FOXJ3: variants seen among roughly 807,000 people sequenced by gnomAD.
The protein encoded by FOXJ3 is forkhead box J3, also known as forkhead box protein J3.
Under a neutral mutation model 76.1 loss-of-function variants are expected in FOXJ3, and 22 were observed. That is an observed-to-expected ratio of 0.29 (90% CI 0.21 to 0.41). The LOEUF (loss-of-function observed/expected upper bound fraction) is 0.41, where lower values mean the gene tolerates loss of function less well. Ranked by LOEUF, FOXJ3 falls within the 10% of genes least tolerant of loss-of-function variation. FOXJ3 has a pLI of 1.00. For missense variants in FOXJ3, 613 were observed against 762.1 expected (o/e 0.80, Z 2.30); for synonymous variants, 269 against 261.2 (o/e 1.03, Z -0.29).
chr1:42,234,785 G>A (rs1156607682), intron 4 of FOXJ3, among the ~76,000 whole-genome samples: 2 of 152,142 alleles, frequency 1.3e-5, no homozygotes, highest in African/African-American at 2.4e-5. Flanking sequence ...GTACCTGGCC[G>A]TGTGAGGTGT....
chr1:42,186,164 A>G (rs1023458308), intron 11 of FOXJ3, among the ~76,000 whole-genome samples: 7 of 152,186 alleles, frequency 4.6e-5, no homozygotes. Flanking sequence ...TGTGATACAC[A>G]GGGATGTAAG....
chr1:42,321,916 C>T lies in FOXJ3; in HGVS notation c.-17-10806G>A, dbSNP rs934855659. Among the ~76,000 whole-genome samples, 5 of 152,122 alleles carry T rather than the reference C, an allele frequency of 3.3e-5. No individual in the cohort carries two copies. In the East Asian group the frequency reaches 5.8e-4, roughly 18 times the overall value. On this transcript the variant is annotated intron_variant, in intron 1 of 12. Coordinates refer to ENST00000361346, the MANE Select transcript of FOXJ3 (RefSeq NM_014947.5). ...GAGACTTTATCATCAAGGCATGATG[C>T]ATTGGAGGACAAATAATCCATTTCA...
rs1394121540 is a variant in FOXJ3 at position 42,285,151 on chromosome 1, T to C, written c.45-6479A>G. On this transcript the variant is annotated intron_variant, in intron 2 of 12. Transcript: ENST00000361346. Reference sequence around the variant, plus strand: ...TAAGTTCAGGGGTACATTTGCAGGATGTGCAGGTTTGTTACATAGGTAAAC... The same window carrying C: ...TAAGTTCAGGGGTACATTTGCAGGACGTGCAGGTTTGTTACATAGGTAAAC... 2.0e-5 allele frequency among the ~76,000 whole-genome samples: 3 copies of C among 152,320 alleles called. No individual in the cohort carries two copies. The East Asian group carries it at 5.8e-4, about 29-fold the overall frequency.
chr1:42,310,594 T>A (rs1654746777), intron 2 of FOXJ3, among the ~76,000 whole-genome samples: 1 of 151,664 alleles, frequency 6.6e-6, no homozygotes, highest in African/African-American at 2.4e-5. Context: ...ATTACAGGTG[T>A]GAGCCACCAC....
chr1:42,185,390 C>T (rs906417651), intron 11 of FOXJ3, among the ~76,000 whole-genome samples: 30 of 150,746 alleles, frequency 2.0e-4, no homozygotes, highest in African/African-American at 6.9e-4. Flanking sequence ...CCTGAGTAGC[C>T]GGGACTACAG....
At chr1:42,272,245 C>A (rs1651916389) in intron 3 of FOXJ3, among the ~76,000 whole-genome samples, 1 of 152,170 alleles carries the variant, frequency 6.6e-6, no homozygotes, top group South Asian at 2.1e-4. Context: ...AAGTGACCTC[C>A]CATTTTCCCA....
At chr1:42,230,927 C>G (rs1648038567) in intron 4 of FOXJ3, among the ~76,000 whole-genome samples, 1 of 152,026 alleles carries the variant, frequency 6.6e-6, no homozygotes. Context: ...TCACAACAGC[C>G]AAAAGGTAAA....
chr1:42,321,590 C>G (rs1173858291), intron 1 of FOXJ3, among the ~76,000 whole-genome samples: 1 of 152,078 alleles, frequency 6.6e-6, no homozygotes. Flanking sequence ...TATTAAGCAC[C>G]CAGTATTACA....
intron 2 of FOXJ3, among the ~76,000 whole-genome samples, chr1:42,306,302 T>A (rs1050617577): frequency 7.9e-6 from 1 of 127,196 alleles, no homozygotes; most frequent in African/African-American, 3.5e-5. Context: ...TTTTTTCTTT[T>A]TTTTTTTTTT....
At chr1:42,196,217 G>A (rs1012680049) in intron 7 of FOXJ3, among the ~76,000 whole-genome samples, 1 of 152,116 alleles carries the variant, frequency 6.6e-6, no homozygotes, top group Non-Finnish European at 1.5e-5. Context: ...TGGGATGTAG[G>A]GAGCTGACAC....
At chr1:42,303,326 A>G (rs940880227) in intron 2 of FOXJ3, among the ~76,000 whole-genome samples, 3 of 152,232 alleles carry the variant, frequency 2.0e-5, no homozygotes, top group Admixed American at 2.0e-4. Flanking sequence ...TGTTGGGGGA[A>G]CTTAATAAAC....
chr1:42,275,560 A>G lies in FOXJ3; in HGVS notation c.369+2788T>C, dbSNP rs577028820. ...CATAGCAGCACCCACCCGTAGTCGT[A>G]GCTACTCAGGAGGACCACTTGAGCC... On this transcript the variant is annotated intron_variant, in intron 3 of 12. Coordinates refer to ENST00000361346, the MANE Select transcript of FOXJ3 (RefSeq NM_014947.5). Among the ~76,000 whole-genome samples the G allele has an allele frequency of 1.3e-5, 2 of 152,288 alleles. 1 individual carries two copies. Among genetic ancestry groups the G allele is most frequent in the African/African-American group, 4.8e-5 (2 of 41,570 alleles).
At chr1:42,284,636 G>A (rs530515615) in intron 2 of FOXJ3, among the ~76,000 whole-genome samples, 187 of 152,314 alleles carry the variant, frequency 1.2e-3, no homozygotes, top group African/African-American at 3.9e-3. Context: ...TAGCAGTAGA[G>A]AAGACTGATA....
intron 1 of FOXJ3, among the ~76,000 whole-genome samples, chr1:42,329,637 A>G (rs1656037074): frequency 6.6e-6 from 1 of 152,248 alleles, no homozygotes; most frequent in Non-Finnish European, 1.5e-5. Flanking sequence ...AAGCTAAGTG[A>G]CTAACAAAGC....
At chr1:42,201,841 G>A (rs1054384529) in intron 6 of FOXJ3, among the ~76,000 whole-genome samples, 6 of 152,006 alleles carry the variant, frequency 3.9e-5, no homozygotes, top group African/African-American at 9.7e-5. Flanking sequence ...GAAGCTTGCT[G>A]GGCCTGAAGT....
At chr1:42,219,865 G>A (rs1647144941) in intron 5 of FOXJ3, among the ~76,000 whole-genome samples, 1 of 152,318 alleles carries the variant, frequency 6.6e-6, no homozygotes, top group Admixed American at 6.5e-5. Context: ...ACTGCAGTGA[G>A]CCATGGTCAC....
In FOXJ3 at chr1:42,209,674, TG is replaced by T. The variant is rs143308582; in HGVS notation, c.529-3812del. On this transcript the variant is annotated intron_variant, in intron 5 of 12. Coordinates refer to ENST00000361346, the MANE Select transcript of FOXJ3 (RefSeq NM_014947.5). ...GTGCTGGAGCTGACTTAATGAGCAG[TG>T]GGGAGAATATGAGGAGAAGCAGCAT... Among the ~76,000 whole-genome samples the T allele has an allele frequency of 9.7e-3, 1,481 of 152,070 alleles. 32 individuals carry two copies. Among genetic ancestry groups the T allele is most frequent in the African/African-American group, 0.035 (1,431 of 41,472 alleles).
In FOXJ3 at chr1:42,323,380, T is replaced by C. The variant is rs79989489; in HGVS notation, c.-18+11679A>G. On this transcript the variant is annotated intron_variant, in intron 1 of 12. Transcript: ENST00000361346. Reference sequence around the variant, plus strand: ...CAAATATTTATTAAGCACCAATTATTAGCCAACCACTCCTCCAAGTGCTGG... The same window carrying C: ...CAAATATTTATTAAGCACCAATTATCAGCCAACCACTCCTCCAAGTGCTGG... Among the ~76,000 whole-genome samples, 631 of 152,276 alleles carry C rather than the reference T, an allele frequency of 4.1e-3. 3 individuals are homozygous for C. The highest frequency in any genetic ancestry group is 0.014 in the African/African-American group (588 of 41,552).
intron 2 of FOXJ3, among the ~76,000 whole-genome samples, chr1:42,294,675 C>A (rs1386251898): frequency 4.1e-5 from 6 of 148,112 alleles, no homozygotes; most frequent in African/African-American, 1.5e-4. Flanking sequence ...GGCAGGAGAA[C>A]TGCTTGAACC....
Sources: gnomAD v4.1 joint callset for allele counts (sites outside exome capture counted in the v4.1 genomes callset) on GRCh38, gnomAD v4.1.1 for gene constraint, MANE v1.5 for transcripts, NCBI Gene and HGNC (gene_info 2026-07-23, HGNC 2026-07-21) for gene names.